CNPY1: variants seen among roughly 807,000 people sequenced by gnomAD.
The protein encoded by CNPY1 is protein canopy homolog 1.
In CNPY1, 14 loss-of-function variants were observed where a neutral mutation model predicts 14.4. The observed-to-expected ratio is 0.97, with a 90% CI of 0.64 to 1.52. CNPY1 has a LOEUF of 1.52. Ranked by LOEUF, CNPY1 falls within the 40% of genes most tolerant of loss-of-function variation. CNPY1 has a pLI of 0.00. For synonymous variants in CNPY1, 43 were observed against 46.5 expected (o/e 0.92, Z 0.31); for missense variants, 129 against 131.5 (o/e 0.98, Z 0.09).
In CNPY1 at chr7:155,529,989, G is replaced by T. The variant is rs181172841; in HGVS notation, c.99+15842C>A. On this transcript the variant is annotated intron_variant, in intron 2 of 4. Transcript: ENST00000636446. ...AGTAGAGACGGGCTTTACCATGTTG[G>T]CCAGGCTGGTCTCGAACTCCCAACC... Among the ~76,000 whole-genome samples, 626 of 151,994 alleles carry T rather than the reference G, an allele frequency of 4.1e-3. 17 individuals are homozygous for T. Among genetic ancestry groups the T allele is most frequent in the Admixed American group, 0.038 (578 of 15,260 alleles).
At chr7:155,522,322 G>A (rs891321996) in intron 2 of CNPY1, among the ~76,000 whole-genome samples, 8 of 152,288 alleles carry the variant, frequency 5.3e-5, no homozygotes, top group Admixed American at 2.6e-4. Flanking sequence ...GGCCCAGGGT[G>A]TGACTGTCAC....
intron 2 of CNPY1, among the ~76,000 whole-genome samples, chr7:155,543,718 C>T (rs776022687): frequency 6.6e-6 from 1 of 152,188 alleles, no homozygotes; most frequent in African/African-American, 2.4e-5. Flanking sequence ...TTCTCCAACA[C>T]GAGGAACCCA....
chr7:155,533,967 G>A (rs1232203756), intron 2 of CNPY1: 1 of 152,210 alleles, frequency 6.6e-6, no homozygotes, highest in Non-Finnish European at 1.5e-5. Context: ...GTTTGGGAGG[G>A]GGAGGGGGTG....
At chr7:155,535,386 C>T (rs545696112) in intron 2 of CNPY1, among the ~76,000 whole-genome samples, 1 of 152,330 alleles carries the variant, frequency 6.6e-6, no homozygotes, top group East Asian at 1.9e-4. Context: ...AGCATTTCAA[C>T]TGCAGATGAA....
At chr7:155,509,499 C>CAG (rs1007271313) in intron 2 of CNPY1, among the ~76,000 whole-genome samples, 17 of 151,482 alleles carry the variant, frequency 1.1e-4, no homozygotes, top group Non-Finnish European at 2.2e-4. Context: ...GGGAGAGAGA[C>CAG]AGAGAGAGGG....
chr7:155,501,682 T>G lies in CNPY1; in HGVS notation c.*1386A>C, dbSNP rs1368799843. On this transcript the variant is annotated 3_prime_UTR_variant, in exon 5 of 5. Coordinates refer to ENST00000636446, the MANE Select transcript of CNPY1 (RefSeq NM_001393663.1). The stretch of plus-strand genomic sequence containing the variant: ...TGTCCTACCCTACTGGAAAATAGTG[T>G]TAATTATTATTCAGTTCTATTTCCA... The G allele has an allele frequency of 2.0e-5, 3 of 152,250 alleles. No homozygotes were observed. Among genetic ancestry groups the G allele is most frequent in the African/African-American group, 7.2e-5 (3 of 41,452 alleles). The allele number at this position is 152,250 out of a possible 1,614,324, so 9.4% of individuals were successfully genotyped here. A position where few individuals can be genotyped will look rare whatever the true frequency, so the allele number is the denominator to read the frequency against.
intron 2 of CNPY1, among the ~76,000 whole-genome samples, chr7:155,513,877 G>A (rs921933110): frequency 3.9e-5 from 6 of 152,124 alleles, no homozygotes; most frequent in South Asian, 2.1e-4. Context: ...ATTTTAAAAC[G>A]TATTCTGCCA....
chr7:155,503,108 G>GAAAAAA lies in CNPY1; in HGVS notation c.401-4_401-3insTTTTTT. ...ATTAGCAGAAGTTTCACACAGATCT[G>GAAAAAA]GAAAAAAAAAAAAAAGTAGATAGCA... On this transcript the variant is annotated splice_region_variant and splice_polypyrimidine_tract_variant and intron_variant, in intron 4 of 4. Coordinates refer to ENST00000636446, the MANE Select transcript of CNPY1 (RefSeq NM_001393663.1). 6.6e-7 allele frequency: 1 copy of GAAAAAA among 1,515,046 alleles called. No individual in the cohort carries two copies. Among genetic ancestry groups the GAAAAAA allele is most frequent in the African/African-American group, 3.1e-5 (1 of 32,340 alleles). 93.9% of individuals were successfully genotyped at this position (1,515,046 alleles called of 1,614,324 possible).
chr7:155,515,298 C>A (rs1238020775), intron 2 of CNPY1, among the ~76,000 whole-genome samples: 2 of 114,802 alleles, frequency 1.7e-5, no homozygotes, highest in South Asian at 2.7e-4. Flanking sequence ...AAGGCCGCCC[C>A]CCCCCCCCCC....
At chr7:155,509,172 T>G (rs1796437300) in intron 2 of CNPY1, 75 bp from the exon 3 acceptor site, 1 of 788,738 alleles carries the variant, frequency 1.3e-6, no homozygotes. Context: ...CGAGTCCACA[T>G]GGAAACGCCA....
chr7:155,514,417 T>C (rs924429852), intron 2 of CNPY1, among the ~76,000 whole-genome samples: 2 of 152,212 alleles, frequency 1.3e-5, no homozygotes, highest in Admixed American at 6.5e-5. Context: ...AAGATCTGCA[T>C]GTTTCACCGT....
intron 4 of CNPY1, among the ~76,000 whole-genome samples, chr7:155,506,063 T>C (rs905657825): frequency 1.3e-5 from 2 of 152,250 alleles, no homozygotes; most frequent in African/African-American, 4.8e-5. Flanking sequence ...TTTGATGACA[T>C]GAATATTTAT....
chr7:155,541,573 A>G (rs7804328), intron 2 of CNPY1, among the ~76,000 whole-genome samples: 142,567 of 152,280 alleles, frequency 0.94, 66,739 homozygotes, highest in East Asian at 1. Context: ...CCTGCTTGGC[A>G]GGTCAGCCTC....
In CNPY1 at chr7:155,502,266, G is replaced by A. The variant is rs909737137; in HGVS notation, c.*802C>T. ...TAGAAGAATGGTAGATTATTTAGTA[G>A]TAAACTCAACACACTAAATGTGAGC... On this transcript the variant is annotated 3_prime_UTR_variant, in exon 5 of 5. Transcript: ENST00000636446. 18 of 148,588 alleles carry A rather than the reference G, an allele frequency of 1.2e-4. No homozygotes were observed. The highest frequency in any genetic ancestry group is 1.0e-3 in the Admixed American group (15 of 14,830). 9.2% of individuals were successfully genotyped at this position (148,588 alleles called of 1,614,324 possible). A position where few individuals can be genotyped will look rare whatever the true frequency, so the allele number is the denominator to read the frequency against.
At chr7:155,507,390 G>A (rs1002822614) in intron 3 of CNPY1, among the ~76,000 whole-genome samples, 6 of 141,328 alleles carry the variant, frequency 4.2e-5, no homozygotes, top group South Asian at 2.2e-4. Flanking sequence ...TGCATGTTTC[G>A]CTTCCTTAAA....
chr7:155,505,082 T>A (rs565285371), intron 4 of CNPY1, among the ~76,000 whole-genome samples: 40 of 152,346 alleles, frequency 2.6e-4, no homozygotes, highest in Non-Finnish European at 3.5e-4. Context: ...TGCTATTAAC[T>A]CACTTCAACA....
chr7:155,528,455 G>A (rs1440718742), intron 2 of CNPY1, among the ~76,000 whole-genome samples: 1 of 152,234 alleles, frequency 6.6e-6, no homozygotes, highest in Non-Finnish European at 1.5e-5. Context: ...GCCGTGGGGG[G>A]ATCAGCTGCT....
In CNPY1 at chr7:155,502,003, T is replaced by TGGGGGGGGGGTG. The variant is rs60236629; in HGVS notation, c.*1064_*1065insCACCCCCCCCCC. On this transcript the variant is annotated 3_prime_UTR_variant, in exon 5 of 5. Coordinates refer to ENST00000636446, the MANE Select transcript of CNPY1 (RefSeq NM_001393663.1). ...GCAAAGAGTTTTGGGTCGGGGGGGT[T>TGGGGGGGGGGTG]GGGGGGGGGATTTGTAGCATCCTAC... 3 of 125,318 alleles carry TGGGGGGGGGGTG rather than the reference T, an allele frequency of 2.4e-5. No homozygotes were observed. The highest frequency in any genetic ancestry group is 5.0e-5 in the Non-Finnish European group (3 of 60,128). 7.8% of individuals were successfully genotyped at this position (125,318 alleles called of 1,614,324 possible).
chr7:155,521,610 C>G (rs1796726743), intron 2 of CNPY1, among the ~76,000 whole-genome samples: 1 of 152,226 alleles, frequency 6.6e-6, no homozygotes, highest in Non-Finnish European at 1.5e-5. Flanking sequence ...TGTTTATGTA[C>G]AGCCCATGAG....
Sources: gnomAD v4.1 joint callset for allele counts (sites outside exome capture counted in the v4.1 genomes callset) on GRCh38, gnomAD v4.1.1 for gene constraint, MANE v1.5 for transcripts, NCBI Gene and HGNC (gene_info 2026-07-23, HGNC 2026-07-21) for gene names.